Variants in ADAMTS17 observed in about 807,000 individuals in gnomAD.
ADAMTS17 encodes A disintegrin and metalloproteinase with thrombospondin motifs 17.
Under a neutral mutation model 141.5 loss-of-function variants are expected in ADAMTS17, and 113 were observed. The ratio of observed to expected loss-of-function variants is 0.80; its 90% confidence interval spans 0.69 to 0.93. The LOEUF (loss-of-function observed/expected upper bound fraction) is 0.93. Among genes scored for constraint, ADAMTS17 ranks in the 40% least tolerant of loss-of-function variants. The probability of loss-of-function intolerance (pLI) is 0.00; values close to 1 mark genes in which losing one functional copy is unlikely to be tolerated. For synonymous variants in ADAMTS17, 768 were observed against 630.6 expected (o/e 1.22, Z -3.27); for missense variants, 1,659 against 1,517.9 (o/e 1.09, Z -1.54).
chr15:100,227,366 C>G (rs118182239), intron 7 of ADAMTS17, among the ~76,000 whole-genome samples: 2,193 of 152,330 alleles, frequency 0.014, 23 homozygotes, highest in Middle Eastern at 0.041. Flanking sequence ...CCCTCCAATC[C>G]TCCCCATTCC....
At chr15:100,025,036 C>T (rs1047239872) in intron 18 of ADAMTS17, among the ~76,000 whole-genome samples, 12 of 152,204 alleles carry the variant, frequency 7.9e-5, no homozygotes, top group African/African-American at 1.7e-4. Context: ...TCAGGGAGAT[C>T]GGTCTTGGGT....
chr15:100,048,607 T>G (rs984313866), intron 18 of ADAMTS17, among the ~76,000 whole-genome samples: 1 of 150,106 alleles, frequency 6.7e-6, no homozygotes, highest in East Asian at 1.9e-4. Flanking sequence ...TTTTTTTTTT[T>G]TTTTTTTTGC....
At chr15:100,260,370 T>C (rs1460518480) in intron 6 of ADAMTS17, among the ~76,000 whole-genome samples, 2 of 152,008 alleles carry the variant, frequency 1.3e-5, no homozygotes, top group Admixed American at 1.3e-4. Flanking sequence ...TCCTAGCATT[T>C]TGGGAGGCCA....
At chr15:100,110,539 T>C (rs34088945) in intron 13 of ADAMTS17, among the ~76,000 whole-genome samples, 41,865 of 151,734 alleles carry the variant, frequency 0.28, 5,960 homozygotes, top group East Asian at 0.37. Context: ...GCTGGGATTA[T>C]AGAAGTGAGC....
At chr15:100,041,113 A>G (rs1202485170) in intron 18 of ADAMTS17, among the ~76,000 whole-genome samples, 1 of 152,232 alleles carries the variant, frequency 6.6e-6, no homozygotes, top group African/African-American at 2.4e-5. Flanking sequence ...TGCTTTAATA[A>G]AAAGGGATTC....
chr15:100,222,322 T>C (rs1303658624), intron 7 of ADAMTS17, among the ~76,000 whole-genome samples: 2 of 152,192 alleles, frequency 1.3e-5, no homozygotes, highest in Non-Finnish European at 2.9e-5. Context: ...AATACCATGC[T>C]GGCGGGCAGA....
chr15:100,183,748 C>G (rs1430571316), intron 8 of ADAMTS17, among the ~76,000 whole-genome samples: 1 of 152,148 alleles, frequency 6.6e-6, no homozygotes, highest in Non-Finnish European at 1.5e-5. Flanking sequence ...TTTAAATATG[C>G]TATTGCAGCA....
At chr15:100,285,574 C>A (rs545194671) in intron 3 of ADAMTS17, among the ~76,000 whole-genome samples, 1 of 152,354 alleles carries the variant, frequency 6.6e-6, no homozygotes, top group Admixed American at 6.5e-5. Flanking sequence ...AGAATCTCTG[C>A]ATCTCAAATT....
intron 3 of ADAMTS17, among the ~76,000 whole-genome samples, chr15:100,299,051 C>T (rs1162555158): frequency 6.6e-6 from 1 of 152,090 alleles, no homozygotes; most frequent in Non-Finnish European, 1.5e-5. Flanking sequence ...TCCTTTTTGT[C>T]TAAGGACACC....
chr15:100,133,423 A>C (rs372996875), intron 10 of ADAMTS17, 108 bp from the exon 11 acceptor site: 14 of 1,046,902 alleles, frequency 1.3e-5, no homozygotes, highest in East Asian at 1.3e-4. Context: ...GGGATTCGAA[A>C]CGTATGGGGA....
intron 16 of ADAMTS17, 50 bp downstream of exon 16, chr15:100,053,847 C>G: frequency 2.5e-6 from 4 of 1,613,992 alleles, no homozygotes; most frequent in Non-Finnish European, 3.4e-6. Flanking sequence ...ACCTAGTAGA[C>G]CTCTCGGAGC....
intron 4 of ADAMTS17, among the ~76,000 whole-genome samples, chr15:100,267,118 A>G (rs538904106): frequency 6.6e-6 from 1 of 152,226 alleles, no homozygotes; most frequent in African/African-American, 2.4e-5. Context: ...TTCATCCTCC[A>G]ATACCGAAGC....
At chr15:99,983,531 C>T (rs1296106446) in intron 20 of ADAMTS17, among the ~76,000 whole-genome samples, 1 of 152,186 alleles carries the variant, frequency 6.6e-6, no homozygotes, top group Admixed American at 6.5e-5. Flanking sequence ...CTGTAAATAA[C>T]ACCAGATCCC....
intron 7 of ADAMTS17, among the ~76,000 whole-genome samples, chr15:100,250,230 T>C (rs1251835951): frequency 6.6e-6 from 1 of 152,126 alleles, no homozygotes; most frequent in Non-Finnish European, 1.5e-5. Flanking sequence ...GCACCCTAAT[T>C]AAAACAACAA....
At chr15:100,223,594 T>C (rs1304366902) in intron 7 of ADAMTS17, among the ~76,000 whole-genome samples, 1 of 152,048 alleles carries the variant, frequency 6.6e-6, no homozygotes, top group East Asian at 1.9e-4. Context: ...ACAGTGACTC[T>C]TGTCCTGGTG....
intron 3 of ADAMTS17, among the ~76,000 whole-genome samples, chr15:100,308,165 T>G (rs8043445): frequency 0.019 from 2,864 of 152,316 alleles, 104 homozygotes; most frequent in African/African-American, 0.065. Context: ...CAAAACGGTC[T>G]CCGCTTTTTC....
intron 7 of ADAMTS17, among the ~76,000 whole-genome samples, chr15:100,246,817 T>TTC (rs1186178121): frequency 6.6e-5 from 10 of 152,188 alleles, no homozygotes; most frequent in Non-Finnish European, 1.5e-5. Context: ...TAAGTTTATT[T>TTC]GCCATCCATG....
rs992144900 is a variant in ADAMTS17, at chr15:100,152,622, C to T, written c.1463G>A (p.Arg488Lys). The change falls in exon 10 of 22, where the codon AGA (arginine) becomes AAA (lysine). Residue 488 changes from arginine (R) to lysine (K), a missense_variant. Transcript: ENST00000268070. The stretch of plus-strand genomic sequence containing the variant: ...CCCACGGCTGCTTACCTCCATGTTT[C>T]TGCAGAAGGTGGCATTCATGCCAAA... ...ILFGMNATFCRNMEHLMCAGL... is the reference protein window; with the variant it reads ...ILFGMNATFCKNMEHLMCAGL... 1.2e-6 allele frequency: 2 copies of T among 1,613,916 alleles called. No homozygotes were observed. Among genetic ancestry groups the T allele is most frequent in the Non-Finnish European group, 1.7e-6 (2 of 1,180,030 alleles).
At chr15:100,056,370 C>T (rs147878721) in intron 15 of ADAMTS17, among the ~76,000 whole-genome samples, 1 of 151,954 alleles carries the variant, frequency 6.6e-6, no homozygotes, top group East Asian at 1.9e-4. Context: ...GACAGCAGTC[C>T]CCAGGACTGC....
Sources: gnomAD v4.1 joint callset for allele counts (sites outside exome capture counted in the v4.1 genomes callset) on GRCh38, gnomAD v4.1.1 for gene constraint, MANE v1.5 for transcripts, NCBI Gene and HGNC (gene_info 2026-07-23, HGNC 2026-07-21) for gene names.